Variants in TTC28 observed in about 807,000 individuals in gnomAD.
TTC28 encodes the protein tetratricopeptide repeat domain 28.
TTC28 carries 61 observed loss-of-function variants against 198.0 expected under a neutral mutation model. The observed-to-expected ratio is 0.31, with a 90% CI of 0.25 to 0.38. TTC28 has a LOEUF of 0.38. Among genes scored for constraint, TTC28 ranks in the 10% least tolerant of loss-of-function variants. The pLI is 1.00. For missense variants in TTC28, 2,678 were observed against 3,164.0 expected, an observed-to-expected ratio of 0.85 and a Z score of 3.69; for synonymous variants, 1,171 against 1,297.8, an observed-to-expected ratio of 0.90 and a Z score of 2.10.
chr22:28,290,928 C>CAA (rs1452972067), intron 5 of TTC28, among the ~76,000 whole-genome samples: 9 of 151,556 alleles, frequency 5.9e-5, no homozygotes, highest in African/African-American at 1.9e-4. Context: ...CACACACACA[C>CAA]AATGAAAAAA....
intron 14 of TTC28, among the ~76,000 whole-genome samples, chr22:28,009,700 TAGC>T (rs1938067280): frequency 6.6e-6 from 1 of 152,200 alleles, no homozygotes; most frequent in African/African-American, 2.4e-5. Context: ...TCACCACCAT[TAGC>T]AGTCTGTGAG....
chr22:28,571,255 A>G (rs1208487583), intron 2 of TTC28, among the ~76,000 whole-genome samples: 1 of 152,232 alleles, frequency 6.6e-6, no homozygotes, highest in Non-Finnish European at 1.5e-5. Context: ...TAAATTTTCT[A>G]CATCATAACT....
intron 12 of TTC28, among the ~76,000 whole-genome samples, chr22:28,078,227 G>C (rs909359369): frequency 1.3e-5 from 2 of 152,170 alleles, no homozygotes; most frequent in Non-Finnish European, 2.9e-5. Context: ...AAAACAGTCT[G>C]CAGAATAACA....
Position 28,487,949 on chromosome 22 carries a change from C to T in TTC28, c.381+141603G>A, listed in dbSNP as rs372859179. On this transcript the variant is annotated intron_variant, in intron 2 of 22. Transcript: ENST00000397906. The stretch of plus-strand genomic sequence containing the variant: ...CATTTTGCAACATATTTTTTCCTTT[C>T]TTGCTTTTAGCCTTGAAACATACTT... 3.9e-5 allele frequency among the ~76,000 whole-genome samples: 6 copies of T among 152,112 alleles called. No individual in the cohort carries two copies. In the East Asian group the frequency reaches 1.2e-3, roughly 29 times the overall value.
At chr22:28,542,176 A>G (rs955382864) in intron 2 of TTC28, among the ~76,000 whole-genome samples, 1 of 152,166 alleles carries the variant, frequency 6.6e-6, no homozygotes, top group African/African-American at 2.4e-5. Context: ...TTTAATAAAA[A>G]ATAAAAATAA....
chr22:28,652,221 T>C (rs1414657001), intron 1 of TTC28, among the ~76,000 whole-genome samples: 4 of 152,190 alleles, frequency 2.6e-5, no homozygotes, highest in Non-Finnish European at 4.4e-5. Context: ...CAGAAGCATA[T>C]ATGTGAAAAA....
chr22:28,543,411 G>A (rs1267215567), intron 2 of TTC28, among the ~76,000 whole-genome samples: 5 of 151,008 alleles, frequency 3.3e-5, no homozygotes, highest in African/African-American at 1.2e-4. Context: ...TGAAGATGAA[G>A]ATGAAGAAGA....
chr22:28,089,986 G>T (rs930315344), intron 12 of TTC28, among the ~76,000 whole-genome samples: 1 of 151,712 alleles, frequency 6.6e-6, no homozygotes, highest in Non-Finnish European at 1.5e-5. Context: ...AGGGGAGAAG[G>T]ATAGCATTAG....
At chr22:28,269,309 C>A (rs1931896623) in intron 5 of TTC28, among the ~76,000 whole-genome samples, 1 of 151,896 alleles carries the variant, frequency 6.6e-6, no homozygotes, top group Non-Finnish European at 1.5e-5. Flanking sequence ...CAGGGTCCCT[C>A]GGGAAGTGTG....
intron 11 of TTC28, among the ~76,000 whole-genome samples, chr22:28,094,812 A>G (rs1941924262): frequency 6.6e-6 from 1 of 152,208 alleles, no homozygotes; most frequent in Non-Finnish European, 1.5e-5. Flanking sequence ...TGGGTGCATG[A>G]AATTGAGGCA....
At chr22:28,039,172 A>G (rs1257735975) in intron 12 of TTC28, among the ~76,000 whole-genome samples, 3 of 152,240 alleles carry the variant, frequency 2.0e-5, no homozygotes, top group Admixed American at 6.5e-5. Flanking sequence ...ATTACTGGGT[A>G]TATACCCAAA....
At chr22:28,254,850 C>T (rs1930782636) in intron 5 of TTC28, among the ~76,000 whole-genome samples, 1 of 152,076 alleles carries the variant, frequency 6.6e-6, no homozygotes, top group Non-Finnish European at 1.5e-5. Flanking sequence ...AAAGCAAGGA[C>T]CCTGGAAAGG....
intron 5 of TTC28, among the ~76,000 whole-genome samples, chr22:28,171,204 G>A (rs5762506): frequency 0.037 from 5,642 of 152,180 alleles, 186 homozygotes; most frequent in East Asian, 0.13. Flanking sequence ...GGGAAGTTAT[G>A]CTGGGATTTT....
chr22:28,150,060 A>G (rs1943571327), intron 6 of TTC28, among the ~76,000 whole-genome samples: 1 of 152,228 alleles, frequency 6.6e-6, no homozygotes, highest in Non-Finnish European at 1.5e-5. Flanking sequence ...AAAGAAAGGC[A>G]TATGATTACA....
At chr22:28,536,009 G>A (rs2049264555) in intron 2 of TTC28, among the ~76,000 whole-genome samples, 2 of 150,954 alleles carry the variant, frequency 1.3e-5, no homozygotes, top group Non-Finnish European at 3.0e-5. Context: ...AGGAAATCAA[G>A]ACCACGGTGA....
At chr22:28,551,775 T>C (rs1299964343) in intron 2 of TTC28, among the ~76,000 whole-genome samples, 4 of 152,150 alleles carry the variant, frequency 2.6e-5, no homozygotes, top group Non-Finnish European at 4.4e-5. Context: ...AACATTACAC[T>C]TAACAAAGAA....
chr22:28,414,456 C>T (rs915778681), intron 2 of TTC28, among the ~76,000 whole-genome samples: 6 of 152,152 alleles, frequency 3.9e-5, no homozygotes, highest in Non-Finnish European at 7.4e-5. Flanking sequence ...ATTCTATCAA[C>T]TGAGAAGTCA....
intron 2 of TTC28, among the ~76,000 whole-genome samples, chr22:28,579,599 G>A (rs1037327819): frequency 2.0e-5 from 3 of 146,890 alleles, no homozygotes; most frequent in Non-Finnish European, 3.0e-5. Flanking sequence ...ATATATACAC[G>A]AAAAAATTAT....
chr22:28,228,770 T>C (rs1928566461), intron 5 of TTC28, among the ~76,000 whole-genome samples: 1 of 152,182 alleles, frequency 6.6e-6, no homozygotes, highest in Admixed American at 6.5e-5. Flanking sequence ...AAGGTCACTC[T>C]AAGACACTGA....
Sources: gnomAD v4.1 joint callset for allele counts (sites outside exome capture counted in the v4.1 genomes callset) on GRCh38, gnomAD v4.1.1 for gene constraint, MANE v1.5 for transcripts, NCBI Gene and HGNC (gene_info 2026-07-23, HGNC 2026-07-21) for gene names.